Variants in ATP10B observed in about 807,000 individuals in gnomAD.
ATP10B encodes ATPase phospholipid transporting 10B (putative), also known as phospholipid-transporting ATPase VB.
Under a neutral mutation model 141.2 loss-of-function variants are expected in ATP10B, and 122 were observed. That is an observed-to-expected ratio of 0.86 (90% confidence interval 0.75 to 1.00). The LOEUF is 1.00. Ranked by LOEUF, ATP10B falls within the 50% of genes least tolerant of loss-of-function variation. The pLI is 0.00. For synonymous variants in ATP10B, 685 were observed against 692.0 expected (o/e 0.99, Z 0.16); for missense variants, 1,876 against 1,825.3 (o/e 1.03, Z -0.51).
chr5:160,915,755 A>G, the ATP10B span, among the ~76,000 whole-genome samples: 13 of 152,146 alleles, frequency 8.5e-5, no homozygotes, highest in Non-Finnish European at 1.6e-4. Flanking sequence ...GGTTTGGAAG[A>G]GATGATTTAG....
rs763172033 is a variant in ATP10B, at chr5:160,687,881, C to G, written c.194G>C (p.Arg65Thr). The G allele has an allele frequency of 1.9e-6, 3 of 1,614,126 alleles. No individual in the cohort carries two copies. ...TGTGCAGGTTCTGTTGCCAGGGTAT[C>G]TCCTGGAGACCTCTTCCCAATCTTG... The part of the protein sequence containing the change: ...FHQDWEEVSR[R>T]YPGNRTCTTK... The change falls in exon 5 of 26, where the codon AGA becomes ACA. Residue 65 changes from arginine to threonine, a missense_variant. Arg to Thr is a moderately conservative substitution (Grantham distance 71). Coordinates refer to ENST00000327245, the MANE Select transcript of ATP10B (RefSeq NM_025153.3).
chr5:160,921,941 T>A, the ATP10B span, among the ~76,000 whole-genome samples: 1 of 152,202 alleles, frequency 6.6e-6, no homozygotes, highest in African/African-American at 2.4e-5. Context: ...TCATCCTTAA[T>A]GGAATGGCAA....
At chr5:160,685,949 C>T (rs1391569029) in intron 6 of ATP10B, 130 bp downstream of exon 6, 7 of 791,754 alleles carry the variant, frequency 8.8e-6, no homozygotes, top group Non-Finnish European at 1.3e-5. Flanking sequence ...CGAAATCACC[C>T]CCCCTTGAGA....
At chr5:160,569,058 A>C (rs1391433151) in intron 25 of ATP10B, among the ~76,000 whole-genome samples, 1 of 152,176 alleles carries the variant, frequency 6.6e-6, no homozygotes, top group East Asian at 1.9e-4. Context: ...GCCATGATAG[A>C]AGCTGAGAAG....
chr5:160,810,040 CTTG>C (rs1376383538), intron 1 of ATP10B, among the ~76,000 whole-genome samples: 2 of 152,164 alleles, frequency 1.3e-5, no homozygotes, highest in Non-Finnish European at 2.9e-5. Flanking sequence ...TTTTGGATCT[CTTG>C]TTAACCTCTA....
chr5:160,924,446 A>G, the ATP10B span, among the ~76,000 whole-genome samples: 2 of 152,378 alleles, frequency 1.3e-5, no homozygotes, highest in South Asian at 2.1e-4. Context: ...GTAAACTTAC[A>G]CATAGTAAAT....
intron 13 of ATP10B, 140 bp downstream of exon 13, chr5:160,631,989 T>C: frequency 1.5e-6 from 1 of 650,302 alleles, no homozygotes; most frequent in Non-Finnish European, 2.6e-6. Context: ...AAAACACATG[T>C]GTGGAGTATG....
chr5:160,897,746 C>CT, the ATP10B span, among the ~76,000 whole-genome samples: 1 of 152,020 alleles, frequency 6.6e-6, no homozygotes, highest in African/African-American at 2.4e-5. Context: ...AATCCTAAGC[C>CT]AAAAGAACAA....
chr5:160,797,416 G>A (rs1204949471), intron 1 of ATP10B, among the ~76,000 whole-genome samples: 1 of 152,038 alleles, frequency 6.6e-6, no homozygotes, highest in African/African-American at 2.4e-5. Context: ...TGTTTATTGT[G>A]AGTTGCTTCT....
the ATP10B span, among the ~76,000 whole-genome samples, chr5:160,900,618 T>C: frequency 1.3e-5 from 2 of 152,214 alleles, no homozygotes; most frequent in Non-Finnish European, 1.5e-5. Flanking sequence ...GTTTATGAAA[T>C]GTATTTAATG....
At position 160,746,105 on chromosome 5, in the gene ATP10B, T is replaced by A. The variant is rs534291978; in HGVS notation, c.-330-29071A>T. Among the ~76,000 whole-genome samples the A allele has an allele frequency of 3.9e-5, 6 of 152,334 alleles. No individual in the cohort carries two copies. In the South Asian group the frequency reaches 1.2e-3, roughly 32 times the overall value. The stretch of plus-strand genomic sequence containing the variant: ...CACATGTAGAATATGCATTATTGAT[T>A]AGCTGATGTTGTCAGTAACATTCAA... On this transcript the variant is annotated intron_variant, in intron 2 of 25. Coordinates refer to ENST00000327245, the MANE Select transcript of ATP10B (RefSeq NM_025153.3).
At chr5:160,747,656 G>C (rs1003475304) in intron 2 of ATP10B, among the ~76,000 whole-genome samples, 1 of 152,064 alleles carries the variant, frequency 6.6e-6, no homozygotes, top group Admixed American at 6.5e-5. Flanking sequence ...CCACTTAGAG[G>C]CTTCAGAGGG....
chr5:160,652,543 C>T (rs111328179), intron 7 of ATP10B, among the ~76,000 whole-genome samples: 5,187 of 145,196 alleles, frequency 0.036, 480 homozygotes, highest in African/African-American at 0.12. Context: ...ACTGTAGCCT[C>T]GACTTCCCGG....
intron 1 of ATP10B, among the ~76,000 whole-genome samples, chr5:160,844,692 T>G (rs1261621324): frequency 6.6e-6 from 1 of 152,020 alleles, no homozygotes; most frequent in Non-Finnish European, 1.5e-5. Flanking sequence ...ATTACAGGCA[T>G]GCACCAACAT....
intron 2 of ATP10B, among the ~76,000 whole-genome samples, chr5:160,773,989 T>C (rs1257373780): frequency 6.6e-6 from 1 of 152,096 alleles, no homozygotes; most frequent in African/African-American, 2.4e-5. Context: ...TTTTGCGGAG[T>C]CATCACACTT....
At chr5:160,848,626 G>A (rs1753587017) in intron 1 of ATP10B, among the ~76,000 whole-genome samples, 1 of 152,112 alleles carries the variant, frequency 6.6e-6, no homozygotes, top group African/African-American at 2.4e-5. Context: ...GCCATAAAGA[G>A]AAGAAAACTA....
intron 24 of ATP10B, among the ~76,000 whole-genome samples, chr5:160,584,221 G>A (rs1755739045): frequency 6.6e-6 from 1 of 152,206 alleles, no homozygotes; most frequent in Admixed American, 6.5e-5. Flanking sequence ...TGGGAAAAGT[G>A]TAGTATCTGG....
At chr5:160,726,286 T>C (rs1766354347) in intron 2 of ATP10B, among the ~76,000 whole-genome samples, 1 of 152,140 alleles carries the variant, frequency 6.6e-6, no homozygotes, top group African/African-American at 2.4e-5. Context: ...AGCCCAGCCA[T>C]GTAGGCCCAG....
intron 1 of ATP10B, among the ~76,000 whole-genome samples, chr5:160,822,896 G>A (rs920470967): frequency 6.7e-6 from 1 of 149,398 alleles, no homozygotes; most frequent in African/African-American, 2.5e-5. Flanking sequence ...GAGGGGTAGT[G>A]GAGATGGCTA....
Sources: allele counts gnomAD v4.1 joint callset (sites outside exome capture counted in the v4.1 genomes callset), GRCh38; gene constraint gnomAD v4.1.1; transcripts MANE v1.5; gene names NCBI Gene and HGNC (gene_info 2026-07-23, HGNC 2026-07-21).